TBC1D5: variants seen among roughly 807,000 people sequenced by gnomAD.
TBC1D5 encodes TBC1 domain family member 5, also known as TBC1 domain family, member 5.
In TBC1D5, 75 loss-of-function variants were observed where a neutral mutation model predicts 100.3. The ratio of observed to expected loss-of-function variants is 0.75; its 90% CI spans 0.62 to 0.91. TBC1D5 has a LOEUF of 0.91. Among genes scored for constraint, TBC1D5 ranks in the 40% least tolerant of loss-of-function variants. The probability of loss-of-function intolerance (pLI) is 0.00; values close to 1 mark genes in which losing one functional copy is unlikely to be tolerated. For synonymous variants in TBC1D5, 323 were observed against 325.6 expected (o/e 0.99, Z 0.09); for missense variants, 910 against 942.4 (o/e 0.97, Z 0.45).
At chr3:17,712,280 C>T (rs1425541749) in intron 1 of TBC1D5, among the ~76,000 whole-genome samples, 1 of 152,050 alleles carries the variant, frequency 6.6e-6, no homozygotes, top group Non-Finnish European at 1.5e-5. Context: ...ATAATGGTCT[C>T]CCACAGAACT....
intron 1 of TBC1D5, among the ~76,000 whole-genome samples, chr3:17,721,108 T>C (rs1261241605): frequency 2.6e-5 from 4 of 152,164 alleles, no homozygotes; most frequent in Non-Finnish European, 4.4e-5. Context: ...CCCAAAGTGC[T>C]GGGATTACAG....
intron 1 of TBC1D5, among the ~76,000 whole-genome samples, chr3:17,671,392 C>T (rs1327334976): frequency 6.6e-6 from 1 of 152,198 alleles, no homozygotes; most frequent in Non-Finnish European, 1.5e-5. Context: ...CCTAAGCACA[C>T]TGAGTGACAG....
At chr3:17,344,787 G>T (rs1003344489) in intron 13 of TBC1D5, among the ~76,000 whole-genome samples, 2 of 152,076 alleles carry the variant, frequency 1.3e-5, no homozygotes, top group Admixed American at 1.3e-4. Context: ...TCTGATCTTT[G>T]ACAAACCTGA....
chr3:17,446,118 G>A (rs2094788418), intron 3 of TBC1D5, among the ~76,000 whole-genome samples: 1 of 152,178 alleles, frequency 6.6e-6, no homozygotes, highest in African/African-American at 2.4e-5. Flanking sequence ...TACGGCAGAA[G>A]GATGACTGCC....
At chr3:17,394,691 CTAA>C (rs2093449334) in intron 8 of TBC1D5, among the ~76,000 whole-genome samples, 1 of 152,014 alleles carries the variant, frequency 6.6e-6, no homozygotes, top group Non-Finnish European at 1.5e-5. Context: ...TCTTGAACTT[CTAA>C]AACAGTGGCT....
chr3:17,335,560 T>C (rs947146667), intron 13 of TBC1D5, among the ~76,000 whole-genome samples: 11 of 152,294 alleles, frequency 7.2e-5, no homozygotes, highest in Admixed American at 1.3e-4. Context: ...CTTTACTTTT[T>C]ATCCACAAAA....
intron 8 of TBC1D5, among the ~76,000 whole-genome samples, chr3:17,393,175 T>C (rs1400192508): frequency 6.6e-6 from 1 of 152,098 alleles, no homozygotes; most frequent in Non-Finnish European, 1.5e-5. Context: ...GAAATGTCTG[T>C]TCATATCCTT....
chr3:17,491,571 G>C (rs1338073818), intron 3 of TBC1D5, among the ~76,000 whole-genome samples: 1 of 152,086 alleles, frequency 6.6e-6, no homozygotes, highest in Non-Finnish European at 1.5e-5. Flanking sequence ...TAATCATGTG[G>C]TTTTGTCTTT....
intron 13 of TBC1D5, among the ~76,000 whole-genome samples, chr3:17,323,408 C>A (rs1218134132): frequency 1.3e-5 from 2 of 152,010 alleles, no homozygotes; most frequent in African/African-American, 4.8e-5. Context: ...GGCATAGAGA[C>A]TGGAAAGGAA....
intron 3 of TBC1D5, among the ~76,000 whole-genome samples, chr3:17,449,281 C>T (rs757238006): frequency 6.6e-6 from 1 of 152,188 alleles, no homozygotes; most frequent in Admixed American, 6.5e-5. Flanking sequence ...ACCACCAGGG[C>T]CCCGGGTTTC....
chr3:17,625,114 C>A (rs1417031406), intron 1 of TBC1D5, among the ~76,000 whole-genome samples: 6 of 151,948 alleles, frequency 3.9e-5, no homozygotes, highest in Non-Finnish European at 8.8e-5. Flanking sequence ...TAAAGACAAT[C>A]CAAGAGCAAA....
chr3:17,343,075 C>T (rs1213772109), intron 13 of TBC1D5, among the ~76,000 whole-genome samples: 13 of 152,052 alleles, frequency 8.5e-5, no homozygotes, highest in Non-Finnish European at 1.5e-5. Flanking sequence ...CCAGTTTTTG[C>T]CCATTCAGTA....
intron 21 of TBC1D5, among the ~76,000 whole-genome samples, chr3:17,165,049 C>T (rs1450581013): frequency 6.6e-6 from 1 of 152,176 alleles, no homozygotes; most frequent in African/African-American, 2.4e-5. Context: ...CTGACTGTGT[C>T]TCAGAAGCAC....
At chr3:17,302,889 AC>A (rs1286879967) in intron 14 of TBC1D5, among the ~76,000 whole-genome samples, 1 of 152,198 alleles carries the variant, frequency 6.6e-6, no homozygotes, top group Non-Finnish European at 1.5e-5. Flanking sequence ...ACTAAGTGTA[AC>A]TGAACATCCC....
chr3:17,432,553 G>GA (rs904228810), intron 3 of TBC1D5, among the ~76,000 whole-genome samples: 1 of 151,926 alleles, frequency 6.6e-6, no homozygotes, highest in Non-Finnish European at 1.5e-5. Context: ...AGTCAACACA[G>GA]AAAAAAATGT....
chr3:17,199,288 T>G (rs2071144779), intron 18 of TBC1D5, among the ~76,000 whole-genome samples: 1 of 152,230 alleles, frequency 6.6e-6, no homozygotes, highest in Non-Finnish European at 1.5e-5. Flanking sequence ...TCATTTATCC[T>G]GTGCAATAAA....
chr3:17,244,278 GA>G (rs1395730634), intron 16 of TBC1D5, among the ~76,000 whole-genome samples: 3 of 152,194 alleles, frequency 2.0e-5, no homozygotes, highest in Non-Finnish European at 4.4e-5. Context: ...CCAACTCTAA[GA>G]GTTTATGATC....
At chr3:17,608,071 A>G (rs193062134) in intron 2 of TBC1D5, among the ~76,000 whole-genome samples, 4 of 152,304 alleles carry the variant, frequency 2.6e-5, no homozygotes, top group African/African-American at 7.2e-5. Context: ...AGCCTGGCCA[A>G]CATTGCGAAA....
At chr3:17,497,989 G>C (rs1194494934) in intron 3 of TBC1D5, among the ~76,000 whole-genome samples, 1 of 152,080 alleles carries the variant, frequency 6.6e-6, no homozygotes, top group African/African-American at 2.4e-5. Context: ...TAGAATATCA[G>C]ATCTTTTCCA....
Sources: allele counts gnomAD v4.1 joint callset (sites outside exome capture counted in the v4.1 genomes callset), GRCh38; gene constraint gnomAD v4.1.1; transcripts MANE v1.5; gene names NCBI Gene and HGNC (gene_info 2026-07-23, HGNC 2026-07-21).